SGCD: variants seen among roughly 807,000 people sequenced by gnomAD.
SGCD encodes delta-sarcoglycan.
In SGCD, 18 loss-of-function variants were observed where a neutral mutation model predicts 36.6. The ratio of observed to expected loss-of-function variants is 0.49; its 90% CI spans 0.34 to 0.73. The LOEUF (loss-of-function observed/expected upper bound fraction) is 0.73, where lower values mean the gene tolerates loss of function less well. Among genes scored for constraint, SGCD ranks in the 30% least tolerant of loss-of-function variants. The probability of loss-of-function intolerance (pLI) is 0.01; values close to 1 mark genes in which losing one functional copy is unlikely to be tolerated. For synonymous variants in SGCD, 133 were observed against 130.6 expected (o/e 1.02, Z -0.12); for missense variants, 387 against 346.7 (o/e 1.12, Z -0.92).
chr5:156,160,482 T>C (rs1033953671), intron 3 of SGCD, among the ~76,000 whole-genome samples: 1 of 151,694 alleles, frequency 6.6e-6, no homozygotes, highest in Non-Finnish European at 1.5e-5. Context: ...TCCAGAATCA[T>C]ATAAATCAAC....
chr5:155,957,275 C>T (rs935205494), intron 1 of SGCD, among the ~76,000 whole-genome samples: 1 of 152,024 alleles, frequency 6.6e-6, no homozygotes, highest in Admixed American at 6.6e-5. Context: ...CTGCTGGGAG[C>T]CTGGGCAGGT....
At chr5:156,165,572 A>G (rs1013505438) in intron 3 of SGCD, among the ~76,000 whole-genome samples, 16 of 152,216 alleles carry the variant, frequency 1.1e-4, no homozygotes, top group African/African-American at 3.6e-4. Context: ...TATACTGCTT[A>G]GAAATCTGTT....
At chr5:155,999,159 TG>T (rs1404337571) in intron 1 of SGCD, among the ~76,000 whole-genome samples, 2 of 152,274 alleles carry the variant, frequency 1.3e-5, no homozygotes, top group Non-Finnish European at 2.9e-5. Flanking sequence ...TCTGGGGTCC[TG>T]CCCAGTTTGT....
chr5:156,762,358 A>G lies in SGCD; in HGVS notation c.*2968A>G, dbSNP rs1046132231. The stretch of plus-strand genomic sequence containing the variant: ...TGTTCAACATTTACTTCTATTTGAT[A>G]TCTGCTCAAGAAGTCATAGAAGTCT... On this transcript the variant is annotated 3_prime_UTR_variant, in exon 9 of 9. Coordinates refer to ENST00000337851, the MANE Select transcript of SGCD (RefSeq NM_000337.6). 1 of 152,648 alleles carries G rather than the reference A, an allele frequency of 6.6e-6. No individual in the cohort carries two copies. Among genetic ancestry groups the G allele is most frequent in the Non-Finnish European group, 1.5e-5 (1 of 68,038 alleles). The allele number at this position is 152,648 out of a possible 1,614,324, so 9.5% of individuals were successfully genotyped here.
intron 1 of SGCD, among the ~76,000 whole-genome samples, chr5:156,018,038 T>C (rs1365747041): frequency 6.6e-6 from 1 of 152,072 alleles, no homozygotes; most frequent in Non-Finnish European, 1.5e-5. Context: ...TGAGCACCTG[T>C]GGTTCTAGCT....
At chr5:156,635,782 A>T (rs1762804329) in intron 6 of SGCD, among the ~76,000 whole-genome samples, 1 of 151,802 alleles carries the variant, frequency 6.6e-6, no homozygotes, top group South Asian at 2.1e-4. Context: ...AACTATCACA[A>T]GGACAAAAAA....
intron 1 of SGCD, among the ~76,000 whole-genome samples, chr5:155,914,608 T>C (rs1261590769): frequency 1.3e-5 from 2 of 152,222 alleles, no homozygotes; most frequent in Non-Finnish European, 2.9e-5. Flanking sequence ...TATTTTCTGC[T>C]GTATACCTTT....
chr5:155,740,869 T>C, the SGCD span, among the ~76,000 whole-genome samples: 2 of 152,218 alleles, frequency 1.3e-5, no homozygotes, highest in South Asian at 2.1e-4. Context: ...GTCAAATCTG[T>C]GAAATATTTC....
chr5:156,588,943 C>A (rs1356873867), intron 4 of SGCD, among the ~76,000 whole-genome samples: 1 of 151,528 alleles, frequency 6.6e-6, no homozygotes, highest in Non-Finnish European at 1.5e-5. Flanking sequence ...TTAATTTTCT[C>A]TGATTCAACC....
At chr5:156,362,670 G>A (rs74435952) in intron 3 of SGCD, among the ~76,000 whole-genome samples, 5,291 of 152,080 alleles carry the variant, frequency 0.035, 243 homozygotes, top group African/African-American at 0.099. Context: ...AACAGAAATA[G>A]CATTCCATAG....
At chr5:155,880,119 A>T (rs1755850974) in intron 1 of SGCD, among the ~76,000 whole-genome samples, 1 of 152,180 alleles carries the variant, frequency 6.6e-6, no homozygotes, top group African/African-American at 2.4e-5. Flanking sequence ...CTCAAAAGCC[A>T]GTCCTGAAGC....
intron 1 of SGCD, among the ~76,000 whole-genome samples, chr5:156,059,059 C>T (rs1417583704): frequency 2.1e-5 from 3 of 144,758 alleles, no homozygotes; most frequent in South Asian, 4.3e-4. Context: ...CTTTTTTGTG[C>T]TTCCTCATAA....
chr5:156,518,755 C>A (rs1757286608), intron 4 of SGCD, among the ~76,000 whole-genome samples: 1 of 152,002 alleles, frequency 6.6e-6, no homozygotes. Context: ...CCAAGTGACT[C>A]CTGGATAAAT....
At chr5:156,735,436 C>G (rs892635287) in intron 7 of SGCD, among the ~76,000 whole-genome samples, 19 of 152,120 alleles carry the variant, frequency 1.2e-4, no homozygotes, top group Admixed American at 2.6e-4. Context: ...CTGGAGAGCA[C>G]TGGCAGGGGT....
At chr5:156,188,056 C>A (rs186542101) in intron 3 of SGCD, among the ~76,000 whole-genome samples, 3 of 152,264 alleles carry the variant, frequency 2.0e-5, no homozygotes, top group East Asian at 1.9e-4. Context: ...CATGCTAGTG[C>A]AGGGGGGCCT....
chr5:156,353,850 T>A (rs1261575489), intron 3 of SGCD, among the ~76,000 whole-genome samples: 1 of 152,248 alleles, frequency 6.6e-6, no homozygotes, highest in Non-Finnish European at 1.5e-5. Flanking sequence ...TATGGCTCTC[T>A]AATGTCCTAT....
At chr5:156,080,224 G>A (rs1760914704) in intron 1 of SGCD, among the ~76,000 whole-genome samples, 1 of 152,194 alleles carries the variant, frequency 6.6e-6, no homozygotes, top group Non-Finnish European at 1.5e-5. Context: ...TCCTGGGGTG[G>A]TGGAGTGCAG....
At chr5:156,038,110 C>A (rs559261004) in intron 1 of SGCD, among the ~76,000 whole-genome samples, 9 of 152,088 alleles carry the variant, frequency 5.9e-5, no homozygotes, top group Non-Finnish European at 1.3e-4. Flanking sequence ...GGGAAATTAC[C>A]TTTCTTATAA....
At chr5:155,805,018 G>A in the SGCD span, among the ~76,000 whole-genome samples, 3 of 152,118 alleles carry the variant, frequency 2.0e-5, no homozygotes, top group Non-Finnish European at 2.9e-5. Context: ...TGTGGCTAAT[G>A]CAATTGAAGG....
Sources: allele counts gnomAD v4.1 joint callset (sites outside exome capture counted in the v4.1 genomes callset), GRCh38; gene constraint gnomAD v4.1.1; transcripts MANE v1.5; gene names NCBI Gene and HGNC (gene_info 2026-07-23, HGNC 2026-07-21).